The following CAMK1D variants were observed in gnomAD, a reference collection of about 807,000 sequenced individuals.
CAMK1D encodes the protein calcium/calmodulin-dependent protein kinase type 1D.
A neutral mutation model predicts 47.7 loss-of-function variants in CAMK1D; 9 were observed. The ratio of observed to expected loss-of-function variants is 0.19; its 90% CI spans 0.11 to 0.33. The LOEUF (loss-of-function observed/expected upper bound fraction) is 0.33, where lower values mean the gene tolerates loss of function less well. CAMK1D is among the 10% of genes least tolerant of loss of function. CAMK1D has a pLI of 1.00. For synonymous variants in CAMK1D, 184 were observed against 184.9 expected (o/e 0.99, Z 0.04); for missense variants, 291 against 488.7 (o/e 0.60, Z 3.81).
At chr10:12,540,923 T>A (rs1333957734) in intron 1 of CAMK1D, among the ~76,000 whole-genome samples, 1 of 18,890 alleles carries the variant, frequency 5.3e-5, no homozygotes, top group East Asian at 1.3e-3. Context: ...GAGTTATAGG[T>A]TTTTTTTTTT....
chr10:12,380,759 G>A (rs1838317692), intron 1 of CAMK1D, among the ~76,000 whole-genome samples: 1 of 152,182 alleles, frequency 6.6e-6, no homozygotes, highest in East Asian at 1.9e-4. Flanking sequence ...ATCAGGCTGA[G>A]GCAGGAGAAT....
chr10:12,567,644 T>C (rs1045663002), intron 2 of CAMK1D, among the ~76,000 whole-genome samples: 2 of 152,196 alleles, frequency 1.3e-5, no homozygotes, highest in African/African-American at 4.8e-5. Flanking sequence ...AGCCAAGTGA[T>C]AATGCAGCTA....
intron 1 of CAMK1D, among the ~76,000 whole-genome samples, chr10:12,367,309 GAA>G (rs1837866077): frequency 6.6e-6 from 1 of 152,012 alleles, no homozygotes; most frequent in Non-Finnish European, 1.5e-5. Context: ...ACAGTCTTTG[GAA>G]ATTCTTGAGG....
At chr10:12,445,909 T>C (rs1832911683) in intron 1 of CAMK1D, among the ~76,000 whole-genome samples, 1 of 152,010 alleles carries the variant, frequency 6.6e-6, no homozygotes, top group Non-Finnish European at 1.5e-5. Context: ...GCGTTTTTTT[T>C]CTGAATGTCA....
intron 1 of CAMK1D, among the ~76,000 whole-genome samples, chr10:12,477,621 T>A (rs1833939955): frequency 6.6e-6 from 1 of 152,056 alleles, no homozygotes; most frequent in Admixed American, 6.6e-5. Flanking sequence ...GACAGGACGA[T>A]GTGTGGTAGT....
At chr10:12,580,338 C>CTTTT (rs5783277) in intron 2 of CAMK1D, among the ~76,000 whole-genome samples, 21 of 120,670 alleles carry the variant, frequency 1.7e-4, no homozygotes, top group African/African-American at 6.3e-4. Context: ...CCCTTCCTTC[C>CTTTT]TTTTTTTTTT....
intron 1 of CAMK1D, among the ~76,000 whole-genome samples, chr10:12,451,752 C>T (rs370484109): frequency 7.1e-4 from 108 of 151,328 alleles, no homozygotes; most frequent in African/African-American, 2.3e-3. Context: ...GAGGCAGAGA[C>T]TTGAGGATGG....
Position 12,414,355 on chromosome 10 carries a change from A to G in CAMK1D, c.92+64445A>G, listed in dbSNP as rs547752959. Among the ~76,000 whole-genome samples, 4 of 152,358 alleles carry G rather than the reference A, an allele frequency of 2.6e-5. No individual in the cohort carries two copies. The South Asian group carries it at 6.2e-4, about 24-fold the overall frequency. On this transcript the variant is annotated intron_variant, in intron 1 of 10. Transcript: ENST00000619168. Reference sequence around the variant, plus strand: ...TACAAAGAAGACAGCATTTGTGTACAGTAGCTATATTAGTTGTGACATGTT... The same window carrying G: ...TACAAAGAAGACAGCATTTGTGTACGGTAGCTATATTAGTTGTGACATGTT...
intron 6 of CAMK1D, among the ~76,000 whole-genome samples, chr10:12,801,413 A>G (rs1838472079): frequency 7.8e-6 from 1 of 128,378 alleles, no homozygotes; most frequent in South Asian, 2.4e-4. Flanking sequence ...TGTCCATCTC[A>G]TTCATCAACC....
intron 2 of CAMK1D, among the ~76,000 whole-genome samples, chr10:12,616,278 T>C (rs534565092): frequency 1.6e-4 from 25 of 152,190 alleles, no homozygotes; most frequent in Non-Finnish European, 3.2e-4. Flanking sequence ...AATATTTTAG[T>C]CTTATATAAT....
chr10:12,711,238 C>A (rs141093053), intron 3 of CAMK1D, among the ~76,000 whole-genome samples: 6 of 152,152 alleles, frequency 3.9e-5, no homozygotes, highest in Non-Finnish European at 4.4e-5. Context: ...AATCCAAGAT[C>A]TAGCCATTTT....
At chr10:12,749,714 A>G (rs939066979) in intron 3 of CAMK1D, among the ~76,000 whole-genome samples, 3 of 152,038 alleles carry the variant, frequency 2.0e-5, no homozygotes, top group Admixed American at 6.6e-5. Flanking sequence ...GCCCACCACC[A>G]TGCTAAATTT....
intron 1 of CAMK1D, among the ~76,000 whole-genome samples, chr10:12,489,672 A>G (rs1371768633): frequency 1.3e-5 from 2 of 152,178 alleles, no homozygotes; most frequent in African/African-American, 4.8e-5. Context: ...GGTTTACACG[A>G]CATAAATGAA....
At chr10:12,752,389 C>T (rs1185896704) in intron 3 of CAMK1D, among the ~76,000 whole-genome samples, 1 of 152,126 alleles carries the variant, frequency 6.6e-6, no homozygotes, top group Non-Finnish European at 1.5e-5. Context: ...AATATAAATA[C>T]TAAATAATGT....
At chr10:12,444,051 G>C (rs1286219238) in intron 1 of CAMK1D, among the ~76,000 whole-genome samples, 3 of 152,158 alleles carry the variant, frequency 2.0e-5, no homozygotes, top group Non-Finnish European at 4.4e-5. Context: ...TTTGTAATCT[G>C]TCATGGCGCT....
intron 2 of CAMK1D, among the ~76,000 whole-genome samples, chr10:12,601,880 A>C (rs1294061732): frequency 1.3e-5 from 2 of 152,210 alleles, no homozygotes; most frequent in African/African-American, 4.8e-5. Context: ...GCTGGTGTGC[A>C]TTAGGTACCT....
intron 2 of CAMK1D, among the ~76,000 whole-genome samples, chr10:12,614,592 T>C (rs536953790): frequency 6.6e-6 from 1 of 152,234 alleles, no homozygotes; most frequent in Non-Finnish European, 1.5e-5. Flanking sequence ...GAGGGAAATT[T>C]TGATGACTGT....
intron 2 of CAMK1D, among the ~76,000 whole-genome samples, chr10:12,629,062 G>A (rs1232782415): frequency 6.6e-6 from 1 of 152,234 alleles, no homozygotes; most frequent in Non-Finnish European, 1.5e-5. Flanking sequence ...TAAAGCTGCT[G>A]TAAATGTCTG....
At position 12,627,283 on chromosome 10, in the gene CAMK1D, A is replaced by T. The variant is rs151252520; in HGVS notation, c.225-39453A>T. Among the ~76,000 whole-genome samples, 117 of 151,730 alleles carry T rather than the reference A, an allele frequency of 7.7e-4. 1 individual carries two copies. The highest frequency in any genetic ancestry group is 2.7e-3 in the African/African-American group (110 of 41,370). ...ATTTTTTTAGTAGAGTTGGGGTTTCACCATGTTAGCCAGGATGGTCGCGAT... is the reference window on the plus strand; with the variant it reads ...ATTTTTTTAGTAGAGTTGGGGTTTCTCCATGTTAGCCAGGATGGTCGCGAT... On this transcript the variant is annotated intron_variant, in intron 2 of 10. Transcript: ENST00000619168.
Sources: gnomAD v4.1 joint callset for allele counts (sites outside exome capture counted in the v4.1 genomes callset) on GRCh38, gnomAD v4.1.1 for gene constraint, MANE v1.5 for transcripts, NCBI Gene and HGNC (gene_info 2026-07-23, HGNC 2026-07-21) for gene names.